RHOBTB2: variants seen among roughly 807,000 people sequenced by gnomAD.
The protein encoded by RHOBTB2 is Rho related BTB domain containing 2, also known as rho-related BTB domain-containing protein 2.
Under a neutral mutation model 66.5 loss-of-function variants are expected in RHOBTB2, and 39 were observed. The ratio of observed to expected loss-of-function variants is 0.59; its 90% CI spans 0.45 to 0.77. RHOBTB2 has a LOEUF of 0.77. Ranked by LOEUF, RHOBTB2 falls within the 30% of genes least tolerant of loss-of-function variation. The probability of loss-of-function intolerance (pLI) is 0.00; values close to 1 mark genes in which losing one functional copy is unlikely to be tolerated. For synonymous variants in RHOBTB2, 390 were observed against 395.0 expected, an observed-to-expected ratio of 0.99 and a Z score of 0.15; for missense variants, 755 against 999.1, an observed-to-expected ratio of 0.76 and a Z score of 3.29.
At chr8:22,962,666 GTA>G in the RHOBTB2 span, among the ~76,000 whole-genome samples, 1 of 152,194 alleles carries the variant, frequency 6.6e-6, no homozygotes, top group Non-Finnish European at 1.5e-5. Flanking sequence ...AACATAGAGT[GTA>G]TGATCATATA....
chr8:22,970,343 T>C, the RHOBTB2 span, among the ~76,000 whole-genome samples: 1 of 152,166 alleles, frequency 6.6e-6, no homozygotes, highest in Non-Finnish European at 1.5e-5. Flanking sequence ...GGGGGAGCCC[T>C]CATGACCTAA....
chr8:22,980,405 C>T, the RHOBTB2 span, among the ~76,000 whole-genome samples: 1 of 152,136 alleles, frequency 6.6e-6, no homozygotes, highest in Non-Finnish European at 1.5e-5. Flanking sequence ...ATGGTTGCTT[C>T]TATATTTATT....
intron 7 of RHOBTB2, among the ~76,000 whole-genome samples, chr8:23,014,072 T>C (rs776116291): frequency 5.9e-5 from 9 of 152,210 alleles, no homozygotes; most frequent in African/African-American, 1.2e-4. Context: ...GGAATGCTCA[T>C]TGTACTGGGA....
At chr8:22,992,543 T>C (rs1243249499) in intron 2 of RHOBTB2, among the ~76,000 whole-genome samples, 2 of 152,170 alleles carry the variant, frequency 1.3e-5, no homozygotes, top group Non-Finnish European at 2.9e-5. Flanking sequence ...CTCCCTCTTG[T>C]ACCCTCTCTG....
chr8:23,016,614 G>A (rs748967419), intron 9 of RHOBTB2, among the ~76,000 whole-genome samples: 8 of 151,986 alleles, frequency 5.3e-5, no homozygotes, highest in Non-Finnish European at 1.0e-4. Context: ...GTTTCACCAC[G>A]TTGCCCAGGC....
chr8:22,960,299 G>GCCCTC, the RHOBTB2 span, among the ~76,000 whole-genome samples: 3 of 148,712 alleles, frequency 2.0e-5, no homozygotes, highest in Non-Finnish European at 3.0e-5. Flanking sequence ...TTATAGATGA[G>GCCCTC]CCCTCCCCTC....
At chr8:22,995,029 G>C (rs1307345709), upstream of RHOBTB2, among the ~76,000 whole-genome samples, 1 of 152,204 alleles carries the variant, frequency 6.6e-6, no homozygotes, top group African/African-American at 2.4e-5. Flanking sequence ...GCCTCCCAAA[G>C]TGCTGGGATT....
the RHOBTB2 span, among the ~76,000 whole-genome samples, chr8:22,975,387 A>G: frequency 2.0e-5 from 3 of 152,124 alleles, no homozygotes; most frequent in African/African-American, 7.2e-5. Flanking sequence ...CACACATACC[A>G]AAAGGGTCCC....
At chr8:22,998,755 T>G (rs994030688), upstream of RHOBTB2, among the ~76,000 whole-genome samples, 2 of 146,838 alleles carry the variant, frequency 1.4e-5, no homozygotes, top group African/African-American at 5.0e-5. Flanking sequence ...AAGATTATCC[T>G]GATAAAACCA....
the RHOBTB2 span, among the ~76,000 whole-genome samples, chr8:22,966,010 T>G: frequency 6.6e-6 from 1 of 152,180 alleles, no homozygotes; most frequent in Non-Finnish European, 1.5e-5. Flanking sequence ...AAAATATGTG[T>G]AAATCACATC....
chr8:23,017,788 A>C lies in RHOBTB2; in HGVS notation c.*319A>C, dbSNP rs138843061. The C allele has an allele frequency of 1.5e-5, 5 of 332,410 alleles. No homozygotes were observed. The highest frequency in any genetic ancestry group is 1.7e-5 in the Non-Finnish European group (3 of 175,156). 20.6% of individuals were successfully genotyped at this position (332,410 alleles called of 1,614,324 possible). A position where few individuals can be genotyped will look rare whatever the true frequency, so the allele number is the denominator to read the frequency against. On this transcript the variant is annotated 3_prime_UTR_variant, in exon 10 of 10. Transcript: ENST00000251822. This position sits in a 1 kb window ranked among gnomAD's most constrained non-coding sequence, Gnocchi z 5.3. ...TCAAAGGGAAAGCCTCCCAGCCTCC[A>C]GGGCTTCTCTGTGTGTCTTGGTTGC... is the stretch of plus-strand genomic sequence containing the variant.
At chr8:23,016,993 A>G (rs1258439345) in intron 9 of RHOBTB2, among the ~76,000 whole-genome samples, 1 of 152,084 alleles carries the variant, frequency 6.6e-6, no homozygotes, top group East Asian at 1.9e-4. Context: ...TTCATTCCCA[A>G]CGCACAGGAA....
At chr8:22,983,350 AC>A (rs1484288460), upstream of RHOBTB2, among the ~76,000 whole-genome samples, 40 of 151,598 alleles carry the variant, frequency 2.6e-4, no homozygotes, top group Middle Eastern at 6.8e-3. Flanking sequence ...AAAAAAAAAA[AC>A]AAAAAAGAAG....
intron 1 of RHOBTB2, among the ~76,000 whole-genome samples, chr8:22,991,412 A>G (rs1810422906): frequency 6.6e-6 from 1 of 152,150 alleles, no homozygotes; most frequent in Non-Finnish European, 1.5e-5. Context: ...CAGATAAACA[A>G]AAGGGAGGAG....
Position 23,004,458 on chromosome 8 carries a change from A to G in RHOBTB2, c.24A>G (p.Glu8=), listed in dbSNP as rs1242669481. 1 of 1,614,170 alleles carries G rather than the reference A, an allele frequency of 6.2e-7. No homozygotes were observed. Among genetic ancestry groups the G allele is most frequent in the Non-Finnish European group, 8.5e-7 (1 of 1,180,018 alleles). Residue 8 remains glutamate, a synonymous_variant, in exon 2 of 10, where the codon GAA becomes GAG. Transcript: ENST00000251822. This position sits in a 1 kb window ranked among gnomAD's most constrained non-coding sequence, Gnocchi z 6.4. MDSDMDY[E]RPNVETIKCV... ...TAATGGATTCTGACATGGATTATGA[A>G]AGGCCAAACGTAGAGACCATCAAGT... is the stretch of plus-strand genomic sequence containing the variant.
the RHOBTB2 span, among the ~76,000 whole-genome samples, chr8:22,963,416 T>A: frequency 2.0e-5 from 3 of 152,032 alleles, no homozygotes; most frequent in Non-Finnish European, 4.4e-5. Flanking sequence ...AAAGATGAAA[T>A]AGGTAAAGAT....
At chr8:22,959,555 A>G in the RHOBTB2 span, among the ~76,000 whole-genome samples, 1 of 151,704 alleles carries the variant, frequency 6.6e-6, no homozygotes, top group African/African-American at 2.4e-5. Context: ...TGCCTGGCCT[A>G]CTCTTTCTAG....
chr8:22,988,166 T>C (rs1202645484), intron 1 of RHOBTB2, among the ~76,000 whole-genome samples: 1 of 144,468 alleles, frequency 6.9e-6, no homozygotes, highest in Non-Finnish European at 1.5e-5. Context: ...TTTTTTTTTT[T>C]TTTTTTTTTT....
chr8:22,984,452 T>G (rs1810258882), upstream of RHOBTB2: 1 of 152,218 alleles, frequency 6.6e-6, no homozygotes, highest in South Asian at 2.1e-4. Flanking sequence ...ATGTGTAATA[T>G]TCTTACGCAC....
Sources: allele counts gnomAD v4.1 joint callset (sites outside exome capture counted in the v4.1 genomes callset), GRCh38; gene constraint gnomAD v4.1.1; non-coding constraint Gnocchi (gnomAD v3.1); transcripts MANE v1.5; gene names NCBI Gene and HGNC (gene_info 2026-07-23, HGNC 2026-07-21).